Variants in PEX14 observed in about 807,000 individuals in gnomAD.
The protein encoded by PEX14 is peroxisomal biogenesis factor 14.
Under a neutral mutation model 49.5 loss-of-function variants are expected in PEX14, and 15 were observed. The observed-to-expected ratio is 0.30, with a 90% CI of 0.20 to 0.47. The LOEUF is 0.47. PEX14 is among the 20% of genes least tolerant of loss of function. The pLI, the probability that PEX14 is intolerant of heterozygous loss-of-function variation, is 1.00. For synonymous variants in PEX14, 210 were observed against 212.7 expected (o/e 0.99, Z 0.11); for missense variants, 398 against 494.8 (o/e 0.80, Z 1.86).
At chr1:10,562,902 T>G (rs1557846298) in intron 3 of PEX14, among the ~76,000 whole-genome samples, 1 of 136,514 alleles carries the variant, frequency 7.3e-6, no homozygotes, top group East Asian at 2.3e-4. Flanking sequence ...GATTTTCTTT[T>G]TTTCTTTCTT....
intron 3 of PEX14, among the ~76,000 whole-genome samples, chr1:10,566,782 G>A (rs1461006417): frequency 1.3e-5 from 2 of 152,062 alleles, no homozygotes; most frequent in Non-Finnish European, 2.9e-5. Context: ...CTCCCAAAGT[G>A]CTGGGATTAC....
intron 2 of PEX14, among the ~76,000 whole-genome samples, chr1:10,503,427 A>C (rs1029292320): frequency 3.4e-5 from 5 of 148,974 alleles, no homozygotes; most frequent in African/African-American, 1.2e-4. Flanking sequence ...ATTTATCCTG[A>C]GTTTGCTAAT....
At chr1:10,516,672 A>G (rs149256791) in intron 2 of PEX14, among the ~76,000 whole-genome samples, 2 of 152,350 alleles carry the variant, frequency 1.3e-5, no homozygotes, top group East Asian at 3.9e-4. Flanking sequence ...GCTTCTAGCT[A>G]CTTGCAGGAG....
At chr1:10,565,531 G>A (rs1039529540) in intron 3 of PEX14, among the ~76,000 whole-genome samples, 1 of 152,146 alleles carries the variant, frequency 6.6e-6, no homozygotes, top group African/African-American at 2.4e-5. Flanking sequence ...TCAGTTAGAC[G>A]CAGAAAGCCT....
Position 10,576,084 on chromosome 1 carries a change from GCTTTA to G in PEX14, c.170-23150_170-23146del, listed in dbSNP as rs1640108654. Among the ~76,000 whole-genome samples the G allele has an allele frequency of 2.0e-5, 3 of 152,130 alleles. No homozygotes were observed. The South Asian group carries it at 6.2e-4, about 32-fold the overall frequency. On this transcript the variant is annotated intron_variant, in intron 3 of 8. Coordinates refer to ENST00000356607, the MANE Select transcript of PEX14 (RefSeq NM_004565.3). ...CACCATTTTCTATTGGGATATTAGT[GCTTTA>G]CTTATTGATTTTTAAATACCCTTTA...
intron 2 of PEX14, among the ~76,000 whole-genome samples, chr1:10,534,155 G>A (rs1034354999): frequency 9.2e-5 from 14 of 152,328 alleles, no homozygotes; most frequent in African/African-American, 2.4e-4. Flanking sequence ...CCTGGTACAC[G>A]TGTCACACAC....
chr1:10,500,393 A>AAG lies in PEX14; in HGVS notation c.84+5073_84+5074insGA, dbSNP rs1486809051. Among the ~76,000 whole-genome samples, 65 of 150,762 alleles carry AAG rather than the reference A, an allele frequency of 4.3e-4. 1 individual carries two copies. Among genetic ancestry groups the AAG allele is most frequent in the African/African-American group, 1.5e-3 (60 of 41,180 alleles). On this transcript the variant is annotated intron_variant, in intron 2 of 8. Coordinates refer to ENST00000356607, the MANE Select transcript of PEX14 (RefSeq NM_004565.3). ...TGTCTCAAAAAAAAAAAAAAAAAAA[A>AAG]AAAAAAAAAGAAAAGAAAAGAATAG... is the stretch of plus-strand genomic sequence containing the variant.
chr1:10,540,011 A>G (rs1274405209), intron 3 of PEX14, among the ~76,000 whole-genome samples: 1 of 152,138 alleles, frequency 6.6e-6, no homozygotes, highest in African/African-American at 2.4e-5. Flanking sequence ...TGTCCTTCTC[A>G]AGTGTCTAAG....
chr1:10,594,195 TC>T (rs1159925771), intron 3 of PEX14, among the ~76,000 whole-genome samples: 2 of 152,214 alleles, frequency 1.3e-5, no homozygotes, highest in African/African-American at 4.8e-5. Flanking sequence ...AAAATACTTT[TC>T]CCCTTCCCCT....
rs187507575 is a variant in PEX14, at chr1:10,608,657, C to T, written c.298+9291C>T. Reference sequence around the variant, plus strand: ...AGCCTGGGTGACAACAGCGAGACTCCGTCTCAAAAAAAAAAAGAAAAAAAA... The same window carrying T: ...AGCCTGGGTGACAACAGCGAGACTCTGTCTCAAAAAAAAAAAGAAAAAAAA... On this transcript the variant is annotated intron_variant, in intron 4 of 8. Transcript: ENST00000356607. Among the ~76,000 whole-genome samples, 135 of 103,258 alleles carry T rather than the reference C, an allele frequency of 1.3e-3. 1 individual carries two copies. Among genetic ancestry groups the T allele is most frequent in the East Asian group, 3.5e-3 (15 of 4,244 alleles). The allele number at this position is 103,258 out of a possible 152,430, so 67.7% of individuals were successfully genotyped here.
intron 3 of PEX14, among the ~76,000 whole-genome samples, chr1:10,569,612 C>T (rs1639913749): frequency 6.6e-6 from 1 of 152,174 alleles, no homozygotes; most frequent in African/African-American, 2.4e-5. Context: ...AACAGATCCT[C>T]CAGTAGCTTC....
At chr1:10,549,233 G>C (rs1206486763) in intron 3 of PEX14, among the ~76,000 whole-genome samples, 1 of 152,112 alleles carries the variant, frequency 6.6e-6, no homozygotes. Context: ...CTCTTTTTCA[G>C]TCTGTTTTGG....
chr1:10,608,904 A>G (rs561873164), intron 4 of PEX14, among the ~76,000 whole-genome samples: 1 of 152,192 alleles, frequency 6.6e-6, no homozygotes, highest in African/African-American at 2.4e-5. Flanking sequence ...CTTTGGGCCC[A>G]TTTACTGTTA....
intron 3 of PEX14, among the ~76,000 whole-genome samples, chr1:10,576,488 A>G (rs1640119864): frequency 6.6e-6 from 1 of 152,214 alleles, no homozygotes; most frequent in African/African-American, 2.4e-5. Flanking sequence ...ATATTCATCC[A>G]CATTTCGTTT....
At chr1:10,500,373 C>CAA (rs750781683) in intron 2 of PEX14, among the ~76,000 whole-genome samples, 805 of 43,652 alleles carry the variant, frequency 0.018, 60 homozygotes, top group South Asian at 0.03. Flanking sequence ...GATTCTGTCT[C>CAA]AAAAAAAAAA....
chr1:10,479,240 G>A (rs1439501160), intron 1 of PEX14, among the ~76,000 whole-genome samples: 1 of 152,120 alleles, frequency 6.6e-6, no homozygotes, highest in Middle Eastern at 3.2e-3. Flanking sequence ...AGCCAGGCAT[G>A]GTAGTGCTTG....
intron 3 of PEX14, among the ~76,000 whole-genome samples, chr1:10,566,849 T>G (rs1639820550): frequency 6.6e-6 from 1 of 152,134 alleles, no homozygotes; most frequent in Non-Finnish European, 1.5e-5. Flanking sequence ...CAAGTTGTTT[T>G]TTTTTAAGTA....
At chr1:10,563,697 G>C (rs945649146) in intron 3 of PEX14, among the ~76,000 whole-genome samples, 1 of 152,054 alleles carries the variant, frequency 6.6e-6, no homozygotes, top group Non-Finnish European at 1.5e-5. Context: ...GGCCGAGGCG[G>C]GTGTATCACG....
chr1:10,510,429 G>A (rs571950191), intron 2 of PEX14, among the ~76,000 whole-genome samples: 4 of 152,264 alleles, frequency 2.6e-5, no homozygotes, highest in East Asian at 1.9e-4. Context: ...ACCATATTAA[G>A]CCCCCTTTTT....
Sources: allele counts gnomAD v4.1 joint callset (sites outside exome capture counted in the v4.1 genomes callset), GRCh38; gene constraint gnomAD v4.1.1; transcripts MANE v1.5; gene names NCBI Gene and HGNC (gene_info 2026-07-23, HGNC 2026-07-21).